FOXP2: variants seen among roughly 807,000 people sequenced by gnomAD.
FOXP2 encodes forkhead box P2.
FOXP2 carries 12 observed loss-of-function variants against 115.8 expected under a neutral mutation model. The ratio of observed to expected loss-of-function variants is 0.10; its 90% CI spans 0.07 to 0.17. The LOEUF (loss-of-function observed/expected upper bound fraction) is 0.17. Among genes scored for constraint, FOXP2 ranks in the 10% least tolerant of loss-of-function variants. The pLI is 1.00. For synonymous variants in FOXP2, 328 were observed against 297.7 expected (o/e 1.10, Z -1.05); for missense variants, 629 against 843.5 (o/e 0.75, Z 3.15).
At chr7:114,134,318 T>C (rs966663617) in intron 1 of FOXP2, among the ~76,000 whole-genome samples, 3 of 152,132 alleles carry the variant, frequency 2.0e-5, no homozygotes, top group African/African-American at 7.2e-5. Flanking sequence ...TGTAGTCCCT[T>C]GCTATAATGC....
chr7:114,432,611 G>A (rs1794163726), intron 2 of FOXP2, among the ~76,000 whole-genome samples: 1 of 151,864 alleles, frequency 6.6e-6, no homozygotes, highest in Non-Finnish European at 1.5e-5. Context: ...TAAAGTTTAT[G>A]TATTGATTTA....
At chr7:114,169,420 T>C (rs776108355) in intron 1 of FOXP2, among the ~76,000 whole-genome samples, 2 of 152,234 alleles carry the variant, frequency 1.3e-5, no homozygotes, top group Non-Finnish European at 2.9e-5. Context: ...ACTGCCCTGC[T>C]GGGTTTCAGA....
intron 2 of FOXP2, among the ~76,000 whole-genome samples, chr7:114,515,353 A>G (rs1298364304): frequency 1.3e-5 from 2 of 150,690 alleles, no homozygotes; most frequent in African/African-American, 4.9e-5. Context: ...CAGTGTTCCT[A>G]TTTCTCCACA....
intron 2 of FOXP2, among the ~76,000 whole-genome samples, chr7:114,396,670 G>C (rs1353303962): frequency 6.9e-6 from 1 of 145,040 alleles, no homozygotes; most frequent in African/African-American, 2.8e-5. Flanking sequence ...GGGTTGAGAG[G>C]GTGGTGGTGG....
intron 3 of FOXP2, among the ~76,000 whole-genome samples, chr7:114,557,570 TAA>T (rs994764458): frequency 1.4e-5 from 2 of 144,772 alleles, no homozygotes; most frequent in African/African-American, 5.4e-5. Flanking sequence ...AAAATTGAGT[TAA>T]GATTGTTTTC....
chr7:114,176,132 G>A (rs1011315975), intron 1 of FOXP2, among the ~76,000 whole-genome samples: 5 of 151,690 alleles, frequency 3.3e-5, no homozygotes, highest in Non-Finnish European at 1.5e-5. Context: ...TCAAAGTTAT[G>A]TTTAGGGGAT....
At chr7:114,208,184 T>A (rs1794248684) in intron 1 of FOXP2, among the ~76,000 whole-genome samples, 1 of 152,168 alleles carries the variant, frequency 6.6e-6, no homozygotes, top group South Asian at 2.1e-4. Flanking sequence ...GGGGAAGAGC[T>A]GTCCAAGACC....
At chr7:114,203,596 G>A (rs1404482133) in intron 1 of FOXP2, among the ~76,000 whole-genome samples, 4 of 151,864 alleles carry the variant, frequency 2.6e-5, no homozygotes, top group African/African-American at 9.7e-5. Context: ...CTCCCATCTC[G>A]GCCTCCCAAA....
At chr7:114,655,520 T>C (rs1806538691) in intron 10 of FOXP2, among the ~76,000 whole-genome samples, 1 of 152,176 alleles carries the variant, frequency 6.6e-6, no homozygotes, top group Non-Finnish European at 1.5e-5. Context: ...CCTTTGGAAC[T>C]AGCGATATCT....
At chr7:114,253,274 T>A (rs537141960) in intron 1 of FOXP2, among the ~76,000 whole-genome samples, 1 of 152,248 alleles carries the variant, frequency 6.6e-6, no homozygotes, top group South Asian at 2.1e-4. Flanking sequence ...TTCTGTTGAT[T>A]TGGGGTGGAG....
At chr7:114,631,761 C>T (rs1397570352) in intron 6 of FOXP2, 56 bp downstream of exon 6, 10 of 1,574,662 alleles carry the variant, frequency 6.4e-6, no homozygotes, top group African/African-American at 4.0e-5. Flanking sequence ...TCTACCATTT[C>T]ATGGCCTTTC....
intron 3 of FOXP2, among the ~76,000 whole-genome samples, chr7:114,597,126 A>C (rs1312657152): frequency 6.6e-6 from 1 of 152,054 alleles, no homozygotes; most frequent in Non-Finnish European, 1.5e-5. Context: ...CATTGCTGCA[A>C]ACTTAAGATG....
chr7:114,257,451 CTTTTTTTTTTT>C (rs35852445), intron 1 of FOXP2, among the ~76,000 whole-genome samples: 1 of 92,192 alleles, frequency 1.1e-5, no homozygotes, highest in Non-Finnish European at 2.1e-5. Context: ...TCTTTTCTTT[CTTTTTTTTTTT>C]TTTTTTTTTG....
intron 1 of FOXP2, among the ~76,000 whole-genome samples, chr7:114,266,533 CCA>C (rs1795899618): frequency 6.6e-6 from 1 of 152,036 alleles, no homozygotes. Flanking sequence ...GGGAGAAGTA[CCA>C]CACACTTATA....
chr7:114,606,703 A>C (rs974954242), intron 3 of FOXP2, among the ~76,000 whole-genome samples: 1 of 152,188 alleles, frequency 6.6e-6, no homozygotes, highest in Admixed American at 6.5e-5. Flanking sequence ...TTCTGGAAAG[A>C]ACATTCTTAC....
At chr7:114,328,583 A>G (rs926814066) in intron 2 of FOXP2, among the ~76,000 whole-genome samples, 43 of 152,220 alleles carry the variant, frequency 2.8e-4, no homozygotes, top group African/African-American at 1.0e-3. Flanking sequence ...ACATGCAGTA[A>G]CAATAATAAT....
chr7:114,522,539 A>G (rs1328853928), intron 2 of FOXP2, among the ~76,000 whole-genome samples: 1 of 152,204 alleles, frequency 6.6e-6, no homozygotes, highest in South Asian at 2.1e-4. Context: ...CATATTTTCT[A>G]CAATCATATT....
intron 1 of FOXP2, among the ~76,000 whole-genome samples, chr7:114,122,897 T>G (rs1267460417): frequency 6.6e-6 from 1 of 152,072 alleles, no homozygotes; most frequent in Non-Finnish European, 1.5e-5. Flanking sequence ...TAAGCATAAT[T>G]AACAACATTG....
At chr7:114,664,473 C>G in intron 16 of FOXP2, 37 bp downstream of exon 16, 2 of 1,610,772 alleles carry the variant, frequency 1.2e-6, no homozygotes, top group African/African-American at 1.3e-5. Flanking sequence ...AGGGAAGAAT[C>G]TATATTAATA....
Sources: gnomAD v4.1 joint callset for allele counts (sites outside exome capture counted in the v4.1 genomes callset) on GRCh38, gnomAD v4.1.1 for gene constraint, MANE v1.5 for transcripts, NCBI Gene and HGNC (gene_info 2026-07-23, HGNC 2026-07-21) for gene names.